The following KIF23 variants were observed in gnomAD, a reference collection of about 807,000 sequenced individuals.
KIF23 encodes the protein kinesin family member 23.
Under a neutral mutation model 137.5 loss-of-function variants are expected in KIF23, and 30 were observed. The ratio of observed to expected loss-of-function variants is 0.22; its 90% CI spans 0.16 to 0.30. The LOEUF (loss-of-function observed/expected upper bound fraction) is 0.30. Among genes scored for constraint, KIF23 ranks in the 10% least tolerant of loss-of-function variants. The pLI is 1.00. For synonymous variants in KIF23, 367 were observed against 391.1 expected, an observed-to-expected ratio of 0.94 and a Z score of 0.73; for missense variants, 920 against 1,194.3, an observed-to-expected ratio of 0.77 and a Z score of 3.38.
intron 16 of KIF23, among the ~76,000 whole-genome samples, chr15:69,439,467 C>A (rs537515402): frequency 1.3e-5 from 2 of 152,070 alleles, no homozygotes; most frequent in East Asian, 1.9e-4. Context: ...TAATCTCTTA[C>A]AATGGGGTAG....
chr15:69,446,743 A>T, intron 22 of KIF23, 128 bp from the exon 23 acceptor site: 1 of 847,758 alleles, frequency 1.2e-6, no homozygotes, highest in Non-Finnish European at 2.0e-6. Flanking sequence ...TGGTGTTTTA[A>T]CGTAAGAGTC....
chr15:69,426,496 C>T, intron 10 of KIF23, 39 bp downstream of exon 10: 1 of 1,598,382 alleles, frequency 6.3e-7, no homozygotes, highest in South Asian at 1.1e-5. Context: ...GGTTCTAACT[C>T]TATCCTTAAT....
At chr15:69,420,902 C>G (rs918507450) in intron 3 of KIF23, among the ~76,000 whole-genome samples, 5 of 152,102 alleles carry the variant, frequency 3.3e-5, no homozygotes, top group African/African-American at 9.7e-5. Flanking sequence ...TAAGTGTGAG[C>G]CACTATGCCC....
intron 19 of KIF23, chr15:69,443,844 A>C (rs1157486112): frequency 6.6e-6 from 1 of 152,002 alleles, no homozygotes; most frequent in African/African-American, 2.4e-5. Context: ...CAGTGGTGCG[A>C]TCTTGGCTCA....
Position 69,426,445 on chromosome 15 carries a change from C to T in KIF23, c.999C>T (p.Asp333=), listed in dbSNP as rs1192866131. 1 of 1,614,034 alleles carries T rather than the reference C, an allele frequency of 6.2e-7. No individual in the cohort carries two copies. Among genetic ancestry groups the T allele is most frequent in the South Asian group, 1.1e-5 (1 of 91,068 alleles). Residue 333 remains aspartate (D), a synonymous_variant, in exon 10 of 24, where the codon GAC becomes GAT. Transcript: ENST00000679126. ...LVQAPLDADG[D]NVLQEKEQIT... ...AGGCTCCCTTGGATGCAGATGGAGA[C>T]AATGTCTTACAGGTAAAGTTGTAGT... is the stretch of plus-strand genomic sequence containing the variant.
chr15:69,439,814 T>C (rs1567076376), intron 16 of KIF23, 90 bp from the exon 17 acceptor site: 4 of 943,296 alleles, frequency 4.2e-6, no homozygotes, highest in Admixed American at 3.2e-5. Flanking sequence ...TCCACAAATA[T>C]GCTTGCATAA....
Position 69,423,153 on chromosome 15 carries a change from T to A in KIF23, c.564-6T>A. 6.4e-7 allele frequency: 1 copy of A among 1,568,478 alleles called. No homozygotes were observed. Among genetic ancestry groups the A allele is most frequent in the Middle Eastern group, 2.3e-4 (1 of 4,342 alleles). On this transcript the variant is annotated splice_region_variant and splice_polypyrimidine_tract_variant and intron_variant, in intron 6 of 23. Coordinates refer to ENST00000679126, the MANE Select transcript of KIF23 (RefSeq NM_001367805.3). ...AACGTATACAATTGAACTTTTCTTT[T>A]TTTAGACGACAAGTAGATCCAGAGT... is the stretch of plus-strand genomic sequence containing the variant.
At chr15:69,438,625 C>T (rs188174908) in intron 16 of KIF23, among the ~76,000 whole-genome samples, 4 of 152,132 alleles carry the variant, frequency 2.6e-5, no homozygotes, top group Admixed American at 2.0e-4. Flanking sequence ...ATGGCAAAAG[C>T]CCATCTCTAC....
At chr15:69,432,997 C>T (rs1287722306) in intron 11 of KIF23, among the ~76,000 whole-genome samples, 2 of 152,162 alleles carry the variant, frequency 1.3e-5, no homozygotes, top group Non-Finnish European at 2.9e-5. Context: ...TCTAAGTATG[C>T]AGACACCCCA....
chr15:69,416,258 A>T (rs760453944), intron 2 of KIF23, among the ~76,000 whole-genome samples, 195 bp downstream of exon 2: 1 of 152,234 alleles, frequency 6.6e-6, no homozygotes, highest in Non-Finnish European at 1.5e-5. Context: ...GATTAATTAA[A>T]TTAGTCCAGT....
chr15:69,416,060 T>G lies in KIF23; in HGVS notation c.78T>G (p.Val26=). 1 of 1,569,784 alleles carries G rather than the reference T, an allele frequency of 6.4e-7. No homozygotes were observed. The highest frequency in any genetic ancestry group is 8.6e-7 in the Non-Finnish European group (1 of 1,166,238). Residue 26 remains valine (V), a synonymous_variant, in exon 2 of 24, where the codon GTT becomes GTG. Coordinates refer to ENST00000679126, the MANE Select transcript of KIF23 (RefSeq NM_001367805.3). Reference sequence around the variant, plus strand: ...CCCAAACGAACCTTAAAGACCCAGTTGGGGTAAGGTATCCCTGTAAATTTA... The same window carrying G: ...CCCAAACGAACCTTAAAGACCCAGTGGGGGTAAGGTATCCCTGTAAATTTA... ...KGSQTNLKDP[V]GVYCRVRPLG...
At chr15:69,422,535 T>C in intron 6 of KIF23, 100 bp downstream of exon 6, 1 of 700,044 alleles carries the variant, frequency 1.4e-6, no homozygotes, top group South Asian at 1.7e-5. Flanking sequence ...AATAGAGAAG[T>C]TGACTTTTGT....
intron 19 of KIF23, among the ~76,000 whole-genome samples, chr15:69,442,157 C>G (rs2140406922): frequency 6.6e-6 from 1 of 152,156 alleles, no homozygotes; most frequent in Middle Eastern, 3.4e-3. Context: ...CACCCTGTCC[C>G]CCTACTTTTT....
intron 19 of KIF23, chr15:69,443,944 T>TAA (rs2057687151): frequency 7.0e-6 from 1 of 142,040 alleles, no homozygotes; most frequent in Admixed American, 7.4e-5. Context: ...CAAGCCCAGC[T>TAA]AATATATATA....
chr15:69,421,981 C>G lies in KIF23; in HGVS notation c.317-11C>G. 6.2e-7 allele frequency: 1 copy of G among 1,612,902 alleles called. No homozygotes were observed. Among genetic ancestry groups the G allele is most frequent in the Non-Finnish European group, 8.5e-7 (1 of 1,179,474 alleles). On this transcript the variant is annotated splice_polypyrimidine_tract_variant and intron_variant, in intron 4 of 23. Transcript: ENST00000679126. ...CTAAGATATAACTCATTGTGACTTG[C>G]TACACTGTAGGTCTTCTTTTTACAT... is the stretch of plus-strand genomic sequence containing the variant.
At chr15:69,437,512 G>A (rs1325857104) in intron 15 of KIF23, among the ~76,000 whole-genome samples, 1 of 145,894 alleles carries the variant, frequency 6.9e-6, no homozygotes, top group Non-Finnish European at 1.5e-5. Context: ...CCAAGTTGGA[G>A]TGCAATGGCG....
intron 16 of KIF23, among the ~76,000 whole-genome samples, chr15:69,439,331 A>C (rs1380644206): frequency 1.2e-4 from 18 of 151,514 alleles, no homozygotes; most frequent in Admixed American, 1.2e-3. Flanking sequence ...TTTTAATGAG[A>C]TAAATGATTA....
chr15:69,415,675 T>TTA (rs762853357), intron 1 of KIF23, among the ~76,000 whole-genome samples: 1 of 152,244 alleles, frequency 6.6e-6, no homozygotes, highest in Non-Finnish European at 1.5e-5. Context: ...GTGTGGGCAG[T>TTA]TATAATTTGT....
intron 19 of KIF23, 96 bp downstream of exon 19, chr15:69,441,175 G>A: frequency 8.9e-7 from 1 of 1,126,454 alleles, no homozygotes; most frequent in South Asian, 1.7e-5. Context: ...AAAAATGGTT[G>A]GGCTATAGTA....
Sources: gnomAD v4.1 joint callset for allele counts (sites outside exome capture counted in the v4.1 genomes callset) on GRCh38, gnomAD v4.1.1 for gene constraint, MANE v1.5 for transcripts, NCBI Gene and HGNC (gene_info 2026-07-23, HGNC 2026-07-21) for gene names.